The following PTPRN2 variants were observed in gnomAD, a reference collection of about 807,000 sequenced individuals.
PTPRN2 encodes receptor-type tyrosine-protein phosphatase N2.
Under a neutral mutation model 118.8 loss-of-function variants are expected in PTPRN2, and 74 were observed. The observed-to-expected ratio is 0.62, with a 90% CI of 0.52 to 0.76. The LOEUF (loss-of-function observed/expected upper bound fraction) is 0.76, where lower values mean the gene tolerates loss of function less well. PTPRN2 is among the 30% of genes least tolerant of loss of function. PTPRN2 has a pLI of 0.00. For missense variants in PTPRN2, 1,481 were observed against 1,394.4 expected, an observed-to-expected ratio of 1.06 and a Z score of -0.99; for synonymous variants, 641 against 608.0, an observed-to-expected ratio of 1.05 and a Z score of -0.80.
At position 157,634,667 on chromosome 7, in the gene PTPRN2, C is replaced by T. The variant is rs144450307; in HGVS notation, c.2197-13158G>A. On this transcript the variant is annotated intron_variant, in intron 14 of 22. Transcript: ENST00000389418. ...GAGGGGCCGTACGACCTCTTCCAGA[C>T]CCCCCGGGCTCCAGTTATTAAATGA... Among the ~76,000 whole-genome samples the T allele has an allele frequency of 8.4e-4, 128 of 152,244 alleles. 2 individuals carry two copies. The highest frequency in any genetic ancestry group is 3.0e-3 in the African/African-American group (123 of 41,548).
At chr7:157,675,650 C>T (rs892195011) in intron 13 of PTPRN2, among the ~76,000 whole-genome samples, 9 of 152,162 alleles carry the variant, frequency 5.9e-5, no homozygotes, top group African/African-American at 1.4e-4. Context: ...ACCCTGGAAA[C>T]GGGAGGAGCA....
chr7:158,270,162 G>A (rs1261733709), intron 3 of PTPRN2, among the ~76,000 whole-genome samples: 1 of 152,254 alleles, frequency 6.6e-6, no homozygotes, highest in Non-Finnish European at 1.5e-5. Flanking sequence ...CACAGCAAAA[G>A]CCAGGACACC....
At chr7:157,900,139 A>T (rs972344240) in intron 11 of PTPRN2, among the ~76,000 whole-genome samples, 5 of 152,208 alleles carry the variant, frequency 3.3e-5, no homozygotes, top group Non-Finnish European at 7.4e-5. Flanking sequence ...GCCCCAGCCC[A>T]TAGTAATGAG....
intron 3 of PTPRN2, among the ~76,000 whole-genome samples, chr7:158,240,376 T>C (rs774340367): frequency 1.3e-5 from 2 of 152,210 alleles, no homozygotes; most frequent in Non-Finnish European, 2.9e-5. Context: ...AGACCTCGAA[T>C]ACGACCAGGA....
chr7:157,665,677 A>G (rs1014090890), intron 13 of PTPRN2, among the ~76,000 whole-genome samples: 2 of 152,392 alleles, frequency 1.3e-5, no homozygotes, highest in African/African-American at 4.8e-5. Context: ...ATAAGGACAC[A>G]TGCACACATA....
intron 2 of PTPRN2, among the ~76,000 whole-genome samples, chr7:158,328,754 T>C (rs1461959436): frequency 1.3e-5 from 2 of 148,728 alleles, no homozygotes; most frequent in African/African-American, 5.0e-5. Context: ...AGTGTGGGTG[T>C]CAGTGACATC....
At chr7:157,786,857 G>C (rs915244414) in intron 12 of PTPRN2, among the ~76,000 whole-genome samples, 2 of 152,230 alleles carry the variant, frequency 1.3e-5, no homozygotes, top group Non-Finnish European at 2.9e-5. Context: ...TGCCTGCCCA[G>C]TGCCCAGAGC....
intron 12 of PTPRN2, among the ~76,000 whole-genome samples, chr7:157,840,134 C>T (rs1160108198): frequency 1.1e-4 from 14 of 127,472 alleles, no homozygotes; most frequent in South Asian, 5.4e-4. Flanking sequence ...ACTGTGTGGC[C>T]GTCACTGTTA....
rs980257757 is a variant in PTPRN2 at position 157,903,900 on chromosome 7, G to C, written c.1724-5163C>G. Among the ~76,000 whole-genome samples the C allele has an allele frequency of 1.3e-5, 2 of 152,190 alleles. No homozygotes were observed. The highest frequency in any genetic ancestry group is 2.9e-5 in the Non-Finnish European group (2 of 68,040). ...TCACAAGCAGCTGTGAGGACCACGTGGGAGCCTCTGAGCCAGCATGGCCCA... is the reference window on the plus strand; with the variant it reads ...TCACAAGCAGCTGTGAGGACCACGTCGGAGCCTCTGAGCCAGCATGGCCCA... On this transcript the variant is annotated intron_variant, in intron 11 of 22. Coordinates refer to ENST00000389418, the MANE Select transcript of PTPRN2 (RefSeq NM_002847.5). This position sits in a 1 kb window ranked among gnomAD's most constrained non-coding sequence, Gnocchi z 4.2.
chr7:157,793,079 G>A (rs968867791), intron 12 of PTPRN2, among the ~76,000 whole-genome samples: 2 of 151,936 alleles, frequency 1.3e-5, no homozygotes, highest in African/African-American at 2.4e-5. Context: ...TCTACAATGC[G>A]CTGTGCCCGG....
In PTPRN2 at chr7:157,617,606, G is replaced by A. The variant is rs1802878667; in HGVS notation, c.2344+3756C>T. On this transcript the variant is annotated intron_variant, in intron 15 of 22. Transcript: ENST00000389418. The surrounding 1 kb of genome is among the most constrained non-coding windows in gnomAD (Gnocchi z 7.5). ...CTCAAGCAGCTGCAGCGCAGGGCCA[G>A]TGTGGTGACCCTGACTCCTGGGAAC... The A allele has an allele frequency of 6.6e-6, 1 of 152,384 alleles. No homozygotes were observed. The highest frequency in any genetic ancestry group is 6.5e-5 in the Admixed American group (1 of 15,296). The allele number at this position is 152,384 out of a possible 1,614,324, so 9.4% of individuals were successfully genotyped here. A position where few individuals can be genotyped will look rare whatever the true frequency, so the allele number is the denominator to read the frequency against.
intron 1 of PTPRN2, among the ~76,000 whole-genome samples, chr7:158,566,100 C>G (rs1827650982): frequency 6.6e-6 from 1 of 152,042 alleles, no homozygotes; most frequent in South Asian, 2.1e-4. Context: ...CACCTATAAT[C>G]CCAGCACTTT....
intron 3 of PTPRN2, among the ~76,000 whole-genome samples, chr7:158,217,998 G>T (rs1411795542): frequency 1.3e-5 from 2 of 152,114 alleles, no homozygotes; most frequent in African/African-American, 2.4e-5. Context: ...AGGAGAGAGA[G>T]TAAGCAACTT....
chr7:157,795,611 G>C, intron 12 of PTPRN2, among the ~76,000 whole-genome samples: 1 of 152,242 alleles, frequency 6.6e-6, no homozygotes, highest in South Asian at 2.1e-4. Context: ...TTGACCTCAT[G>C]TTTATTCAGG....
chr7:158,183,893 C>T (rs1371934837), intron 5 of PTPRN2, among the ~76,000 whole-genome samples: 1 of 152,086 alleles, frequency 6.6e-6, no homozygotes, highest in Non-Finnish European at 1.5e-5. Context: ...AATCTTTACA[C>T]ACTATTTTGT....
In PTPRN2 at chr7:158,397,373, C is replaced by T. The variant is rs10226959; in HGVS notation, c.164-80441G>A. On this transcript the variant is annotated intron_variant, in intron 2 of 22. Coordinates refer to ENST00000389418, the MANE Select transcript of PTPRN2 (RefSeq NM_002847.5). ...AGCGGTTGTGAACCAGCCCTCCCAG[C>T]GGCAGGACCCCCGAGCAGTTGTGAA... 4.6e-3 allele frequency among the ~76,000 whole-genome samples: 694 copies of T among 152,232 alleles called. 5 individuals carry two copies. The highest frequency in any genetic ancestry group is 0.016 in the African/African-American group (666 of 41,552).
At chr7:158,434,237 A>G (rs941645068) in intron 2 of PTPRN2, among the ~76,000 whole-genome samples, 1 of 152,226 alleles carries the variant, frequency 6.6e-6, no homozygotes, top group Non-Finnish European at 1.5e-5. Flanking sequence ...CTGCTTCAGC[A>G]TGTCTCTCTA....
chr7:158,489,694 AG>A, intron 2 of PTPRN2, 40 bp downstream of exon 2: 1 of 1,544,368 alleles, frequency 6.5e-7, no homozygotes, highest in Non-Finnish European at 8.7e-7. Flanking sequence ...CGGGCAGGAG[AG>A]GGGCAGACCA....
intron 13 of PTPRN2, among the ~76,000 whole-genome samples, chr7:157,663,417 C>A (rs1253470597): frequency 6.6e-6 from 1 of 152,198 alleles, no homozygotes; most frequent in East Asian, 1.9e-4. Context: ...CATCTATCTA[C>A]TGGAGACAGA....
Sources: gnomAD v4.1 joint callset for allele counts (sites outside exome capture counted in the v4.1 genomes callset) on GRCh38, gnomAD v4.1.1 for gene constraint, Gnocchi (gnomAD v3.1) non-coding constraint, MANE v1.5 for transcripts, NCBI Gene and HGNC (gene_info 2026-07-23, HGNC 2026-07-21) for gene names.